TADA2A: variants seen among roughly 807,000 people sequenced by gnomAD.
The protein encoded by TADA2A is transcriptional adapter 2-alpha.
In TADA2A, 38 loss-of-function variants were observed where a neutral mutation model predicts 67.4. The observed-to-expected ratio is 0.56, with a 90% CI of 0.44 to 0.74. The LOEUF (loss-of-function observed/expected upper bound fraction) is 0.74, where lower values mean the gene tolerates loss of function less well. Ranked by LOEUF, TADA2A falls within the 30% of genes least tolerant of loss-of-function variation. The pLI is 0.00. For missense variants in TADA2A, 454 were observed against 547.0 expected, an observed-to-expected ratio of 0.83 and a Z score of 1.70; for synonymous variants, 192 against 181.6, an observed-to-expected ratio of 1.06 and a Z score of -0.46.
At chr17:37,473,384 T>C (rs910088836) in intron 14 of TADA2A, among the ~76,000 whole-genome samples, 2 of 152,118 alleles carry the variant, frequency 1.3e-5, no homozygotes, top group African/African-American at 4.8e-5. Flanking sequence ...CAACTATGTA[T>C]TGGAAGCCTG....
At chr17:37,429,088 G>T (rs1176942021) in intron 4 of TADA2A, among the ~76,000 whole-genome samples, 3 of 151,796 alleles carry the variant, frequency 2.0e-5, no homozygotes, top group East Asian at 1.9e-4. Context: ...GTAGACAGGG[G>T]TCTAGGGGCC....
chr17:37,472,970 C>T (rs1430287222), intron 14 of TADA2A, among the ~76,000 whole-genome samples: 1 of 151,532 alleles, frequency 6.6e-6, no homozygotes. Flanking sequence ...TTTCTTTTTT[C>T]TTTTTTTGTG....
At chr17:37,431,547 A>G (rs1468995623) in intron 4 of TADA2A, among the ~76,000 whole-genome samples, 1 of 151,346 alleles carries the variant, frequency 6.6e-6, no homozygotes, top group Non-Finnish European at 1.5e-5. Context: ...ATCTTACTTT[A>G]TCTAAACCAT....
intron 8 of TADA2A, among the ~76,000 whole-genome samples, chr17:37,450,832 T>C (rs2053211996): frequency 1.3e-5 from 2 of 152,254 alleles, no homozygotes; most frequent in African/African-American, 4.8e-5. Context: ...ACAGTTAAGA[T>C]ATTGTATTCA....
chr17:37,418,727 G>A (rs2052134284), intron 2 of TADA2A, among the ~76,000 whole-genome samples: 1 of 151,262 alleles, frequency 6.6e-6, no homozygotes, highest in Admixed American at 6.6e-5. Flanking sequence ...GAGTAGCTGG[G>A]ATTAGGCGCC....
Position 37,477,162 on chromosome 17 carries a change from C to T in TADA2A, c.*180C>T. The T allele has an allele frequency of 3.3e-6, 2 of 604,538 alleles. No homozygotes were observed. The allele number at this position is 604,538 out of a possible 1,614,324, so 37.4% of individuals were successfully genotyped here. A position where few individuals can be genotyped will look rare whatever the true frequency, so the allele number is the denominator to read the frequency against. On this transcript the variant is annotated 3_prime_UTR_variant, in exon 16 of 16. Coordinates refer to ENST00000615182, the MANE Select transcript of TADA2A (RefSeq NM_001166105.3). ...TTCTTCTCCATCCTGCTTTAAAACA[C>T]TCCTGTTGTTGGTATTATGCTGCAG...
At chr17:37,439,945 A>G (rs201860415) in intron 5 of TADA2A, among the ~76,000 whole-genome samples, 1 of 94,922 alleles carries the variant, frequency 1.1e-5, no homozygotes, top group Non-Finnish European at 2.0e-5. Flanking sequence ...TTTATTTATT[A>G]TTTTTTTTTT....
intron 4 of TADA2A, among the ~76,000 whole-genome samples, chr17:37,432,122 A>T (rs930034223): frequency 3.3e-5 from 5 of 151,772 alleles, no homozygotes; most frequent in Non-Finnish European, 5.9e-5. Flanking sequence ...TACTGTATGT[A>T]CACTTCTGTT....
At chr17:37,413,973 C>A (rs773152275) in intron 2 of TADA2A, among the ~76,000 whole-genome samples, 2 of 151,832 alleles carry the variant, frequency 1.3e-5, no homozygotes, top group African/African-American at 2.4e-5. Context: ...TCAAGAAGGC[C>A]CTGGTTTCTG....
intron 8 of TADA2A, among the ~76,000 whole-genome samples, chr17:37,447,271 C>T (rs965774050): frequency 2.6e-5 from 4 of 152,160 alleles, no homozygotes; most frequent in Admixed American, 6.5e-5. Context: ...AAGCGATTCT[C>T]GTGCCTCAGC....
Position 37,478,549 on chromosome 17 carries a change from A to G in TADA2A, c.*1567A>G, listed in dbSNP as rs1465906104. The G allele has an allele frequency of 6.6e-6, 1 of 152,214 alleles. No individual in the cohort carries two copies. Among genetic ancestry groups the G allele is most frequent in the Non-Finnish European group, 1.5e-5 (1 of 68,044 alleles). The allele number at this position is 152,214 out of a possible 1,614,324, so 9.4% of individuals were successfully genotyped here. On this transcript the variant is annotated 3_prime_UTR_variant, in exon 16 of 16. Coordinates refer to ENST00000615182, the MANE Select transcript of TADA2A (RefSeq NM_001166105.3). ...AGCAGCTTTATATATGGGACTCACT[A>G]GATATGAGGGTAAGTAGCCCCACCA...
rs527570263 is a variant in TADA2A at position 37,467,013 on chromosome 17, C to T, written c.824-441C>T. On this transcript the variant is annotated intron_variant, in intron 11 of 15. Coordinates refer to ENST00000615182, the MANE Select transcript of TADA2A (RefSeq NM_001166105.3). ...CTCTACTAAAAATACAAAAATTAGC[C>T]GGGTGTGGTGGTAGATGCCTGTAAT... 3.9e-5 allele frequency among the ~76,000 whole-genome samples: 6 copies of T among 152,092 alleles called. No individual in the cohort carries two copies. In the East Asian group the frequency reaches 9.7e-4, roughly 25 times the overall value.
At chr17:37,433,374 T>C (rs138390237) in intron 4 of TADA2A, among the ~76,000 whole-genome samples, 2,331 of 152,264 alleles carry the variant, frequency 0.015, 22 homozygotes, top group Non-Finnish European at 0.023. Flanking sequence ...GAAATGAACA[T>C]TGGCCGGGTG....
In TADA2A at chr17:37,440,600, C is replaced by T; in HGVS notation, c.380C>T (p.Thr127Ile). 1.9e-6 allele frequency: 3 copies of T among 1,614,110 alleles called. No homozygotes were observed. Among genetic ancestry groups the T allele is most frequent in the Non-Finnish European group, 2.5e-6 (3 of 1,180,036 alleles). ...ATCAATAACCCTCTGTTTGCATCTA[C>T]CCTGCTGAACCTGAAACAAGCAGAG... ...HFINNPLFAS[T>I]LLNLKQAEEA... Residue 127 changes from threonine (T) to isoleucine (I), a missense_variant, in exon 6 of 16, where the codon ACC (threonine) becomes ATC (isoleucine). Physicochemically the swap from Thr to Ile is moderately conservative, Grantham distance 89 (BLOSUM62 -1). This residue lies in a region of TADA2A where 403 missense variants were observed against 455.5 expected (regional missense o/e 0.88). Coordinates refer to ENST00000615182, the MANE Select transcript of TADA2A (RefSeq NM_001166105.3).
At chr17:37,424,384 T>G (rs2052341212) in intron 3 of TADA2A, among the ~76,000 whole-genome samples, 1 of 151,568 alleles carries the variant, frequency 6.6e-6, no homozygotes, top group African/African-American at 2.4e-5. Context: ...AGACGAAGTC[T>G]CGCTGTGTCA....
rs2053904953 is a variant in TADA2A, at chr17:37,476,986, T to G, written c.*4T>G. The G allele has an allele frequency of 6.3e-7, 1 of 1,598,938 alleles. No homozygotes were observed. Among genetic ancestry groups the G allele is most frequent in the African/African-American group, 1.3e-5 (1 of 74,522 alleles). ...AGGATACATCACTAAAGGCTAAGGC[T>G]CCAAGAGCTTGGGATCAGAAGTCAG... is the stretch of plus-strand genomic sequence containing the variant. On this transcript the variant is annotated 3_prime_UTR_variant, in exon 16 of 16. Coordinates refer to ENST00000615182, the MANE Select transcript of TADA2A (RefSeq NM_001166105.3).
chr17:37,419,347 T>G (rs2052157727), intron 2 of TADA2A, among the ~76,000 whole-genome samples: 1 of 144,778 alleles, frequency 6.9e-6, no homozygotes. Context: ...TTTGTGGGGT[T>G]TTTTTTTGTA....
chr17:37,449,709 T>G (rs1046160782), intron 8 of TADA2A, among the ~76,000 whole-genome samples: 6 of 150,596 alleles, frequency 4.0e-5, no homozygotes, highest in Non-Finnish European at 8.8e-5. Context: ...AGCCTCAACC[T>G]CCTGGGCTCA....
In TADA2A at chr17:37,426,996, C is replaced by G; in HGVS notation, c.179C>G (p.Thr60Ser). The G allele has an allele frequency of 1.3e-6, 2 of 1,588,052 alleles. No homozygotes were observed. Among genetic ancestry groups the G allele is most frequent in the Non-Finnish European group, 1.7e-6 (2 of 1,167,328 alleles). The change falls in exon 4 of 16, where the codon ACT (threonine) becomes AGT (serine). Residue 60 changes from threonine to serine, a missense_variant. By Grantham distance (58) the Thr-to-Ser change is moderately conservative. Coordinates refer to ENST00000615182, the MANE Select transcript of TADA2A (RefSeq NM_001166105.3). ...FEYKKHQSDH[T>S]YEIMTSDFPV... ...TACAAGAAACATCAAAGCGATCATA[C>G]TTATGAAATAATGGTAATGATGAAG...
Sources: gnomAD v4.1 joint callset for allele counts (sites outside exome capture counted in the v4.1 genomes callset) on GRCh38, gnomAD v4.1.1 for gene constraint, gnomAD v4.1.1 regional missense constraint, MANE v1.5 for transcripts, NCBI Gene and HGNC (gene_info 2026-07-23, HGNC 2026-07-21) for gene names.